The following MGAT5 variants were observed in gnomAD, a reference collection of about 807,000 sequenced individuals.
The protein encoded by MGAT5 is alpha-1,6-mannosylglycoprotein 6-beta-N-acetylglucosaminyltransferase A.
MGAT5 carries 30 observed loss-of-function variants against 94.3 expected under a neutral mutation model. The observed-to-expected ratio is 0.32, with a 90% CI of 0.24 to 0.43. The LOEUF is 0.43. Among genes scored for constraint, MGAT5 ranks in the 20% least tolerant of loss-of-function variants. The probability of loss-of-function intolerance (pLI) is 1.00; values close to 1 mark genes in which losing one functional copy is unlikely to be tolerated. For missense variants in MGAT5, 691 were observed against 905.5 expected (o/e 0.76, Z 3.04); for synonymous variants, 310 against 322.9 (o/e 0.96, Z 0.43).
chr2:134,148,292 C>G, intron 1 of MGAT5, among the ~76,000 whole-genome samples: 1 of 152,110 alleles, frequency 6.6e-6, no homozygotes, highest in South Asian at 2.1e-4. Flanking sequence ...CCCTTGCTGC[C>G]CATTGGAATC....
chr2:134,426,992 G>A (rs1232213943), intron 13 of MGAT5, among the ~76,000 whole-genome samples: 4 of 152,098 alleles, frequency 2.6e-5, no homozygotes, highest in Non-Finnish European at 5.9e-5. Context: ...TTGTGCATTT[G>A]TTCAGCATTT....
rs982694642 is a variant in MGAT5, at chr2:134,386,414, G to A, written c.1381-16574G>A. ...TCAAATGTGAATATTAGATTAAACC[G>A]TAAAATAAAAAAATCTCTTAAAGAA... On this transcript the variant is annotated intron_variant, in intron 10 of 15. Coordinates refer to ENST00000281923, the MANE Select transcript of MGAT5 (RefSeq NM_002410.5). Among the ~76,000 whole-genome samples the A allele has an allele frequency of 1.6e-4, 25 of 152,264 alleles. 1 individual carries two copies. Among genetic ancestry groups the A allele is most frequent in the Admixed American group, 1.5e-3 (23 of 15,300 alleles).
chr2:134,391,710 C>T (rs999033573), intron 10 of MGAT5, among the ~76,000 whole-genome samples: 1 of 152,202 alleles, frequency 6.6e-6, no homozygotes, highest in African/African-American at 2.4e-5. Flanking sequence ...TTTTGGGGGA[C>T]ACAGACAATT....
chr2:134,408,972 T>C (rs1683495300), intron 11 of MGAT5, among the ~76,000 whole-genome samples: 1 of 152,210 alleles, frequency 6.6e-6, no homozygotes, highest in South Asian at 2.1e-4. Flanking sequence ...ATATCATCTC[T>C]TATCTCTCTC....
At chr2:134,354,881 G>T (rs376161670) in intron 9 of MGAT5, among the ~76,000 whole-genome samples, 9 of 152,224 alleles carry the variant, frequency 5.9e-5, no homozygotes, top group African/African-American at 2.2e-4. Context: ...AATGACCTCT[G>T]AACTAGGCAC....
intron 1 of MGAT5, among the ~76,000 whole-genome samples, chr2:134,213,892 C>G (rs984666606): frequency 6.6e-6 from 1 of 152,158 alleles, no homozygotes; most frequent in Non-Finnish European, 1.5e-5. Flanking sequence ...TGTGGGACTT[C>G]ATGGAGGCCT....
chr2:134,269,295 T>C (rs1345150), intron 1 of MGAT5, among the ~76,000 whole-genome samples: 10,820 of 152,222 alleles, frequency 0.071, 856 homozygotes, highest in East Asian at 0.21. Flanking sequence ...TATGTGAGCA[T>C]GTGTGTTTAT....
At chr2:134,157,898 T>TGG (rs1437384812) in intron 1 of MGAT5, among the ~76,000 whole-genome samples, 1 of 152,154 alleles carries the variant, frequency 6.6e-6, no homozygotes, top group Non-Finnish European at 1.5e-5. Flanking sequence ...TCAGAATACT[T>TGG]GAAGTGGGTA....
chr2:134,362,756 T>G (rs1414763022), intron 10 of MGAT5, among the ~76,000 whole-genome samples: 1 of 152,234 alleles, frequency 6.6e-6, no homozygotes, highest in African/African-American at 2.4e-5. Context: ...GGAGAAACTT[T>G]ACCAAGGGAG....
At chr2:134,295,853 G>A (rs555110203) in intron 2 of MGAT5, among the ~76,000 whole-genome samples, 8 of 152,140 alleles carry the variant, frequency 5.3e-5, no homozygotes, top group African/African-American at 1.9e-4. Flanking sequence ...CTTAAGGGTG[G>A]GGAGATGGGT....
chr2:134,300,099 G>A (rs1018945032), intron 2 of MGAT5, among the ~76,000 whole-genome samples: 1 of 152,240 alleles, frequency 6.6e-6, no homozygotes, highest in East Asian at 1.9e-4. Context: ...TACACTGTTG[G>A]TTGTTCAGTA....
intron 1 of MGAT5, among the ~76,000 whole-genome samples, chr2:134,124,238 A>G (rs910981734): frequency 6.6e-6 from 1 of 152,222 alleles, no homozygotes; most frequent in East Asian, 1.9e-4. Flanking sequence ...GAGCCTTAGC[A>G]CTGTAACCAC....
chr2:134,428,520 G>A (rs1400571558), intron 14 of MGAT5, 81 bp downstream of exon 14: 3 of 1,278,318 alleles, frequency 2.3e-6, no homozygotes, highest in African/African-American at 1.5e-5. Context: ...ACATTTAAGA[G>A]CTCACTGTGT....
At chr2:134,151,650 A>T (rs1687185122) in intron 1 of MGAT5, among the ~76,000 whole-genome samples, 2 of 53,022 alleles carry the variant, frequency 3.8e-5, no homozygotes, top group South Asian at 6.6e-4. Context: ...TCCCACTGCC[A>T]TGGGACCTCA....
intron 1 of MGAT5, among the ~76,000 whole-genome samples, chr2:134,191,081 G>A (rs947464770): frequency 1.3e-5 from 2 of 152,274 alleles, no homozygotes; most frequent in Non-Finnish European, 2.9e-5. Context: ...GTCCCTCCCC[G>A]CCAGTCCCTG....
intron 1 of MGAT5, among the ~76,000 whole-genome samples, chr2:134,158,453 C>G (rs1687580629): frequency 6.6e-6 from 1 of 152,214 alleles, no homozygotes; most frequent in African/African-American, 2.4e-5. Context: ...GCGACAGTGC[C>G]TAGGACTTGG....
chr2:134,326,920 A>G (rs1359587274), intron 4 of MGAT5, among the ~76,000 whole-genome samples: 1 of 152,098 alleles, frequency 6.6e-6, no homozygotes, highest in Non-Finnish European at 1.5e-5. Context: ...CAGTGGGAAG[A>G]GAAGTGCAGT....
At chr2:134,151,430 T>C (rs1414840428) in intron 1 of MGAT5, among the ~76,000 whole-genome samples, 1 of 113,280 alleles carries the variant, frequency 8.8e-6, no homozygotes. Context: ...TGGGACCCAC[T>C]CACCGCCATG....
chr2:134,397,843 G>T (rs1265612621), intron 10 of MGAT5, among the ~76,000 whole-genome samples: 2 of 152,174 alleles, frequency 1.3e-5, no homozygotes, highest in African/African-American at 4.8e-5. Context: ...GTGGAGGGAG[G>T]TTTACAAGAT....
Sources: gnomAD v4.1 joint callset for allele counts (sites outside exome capture counted in the v4.1 genomes callset) on GRCh38, gnomAD v4.1.1 for gene constraint, MANE v1.5 for transcripts, NCBI Gene and HGNC (gene_info 2026-07-23, HGNC 2026-07-21) for gene names.